The following LENG8 variants were observed in gnomAD, a reference collection of about 807,000 sequenced individuals.
LENG8 encodes leukocyte receptor cluster (LRC) member 8.
A neutral mutation model predicts 102.1 loss-of-function variants in LENG8; 28 were observed. The observed-to-expected ratio is 0.27, with a 90% CI of 0.20 to 0.38. The LOEUF is 0.38. Among genes scored for constraint, LENG8 ranks in the 10% least tolerant of loss-of-function variants. The probability of loss-of-function intolerance (pLI) is 1.00; values close to 1 mark genes in which losing one functional copy is unlikely to be tolerated. For missense variants in LENG8, 1,022 were observed against 1,113.9 expected, an observed-to-expected ratio of 0.92 and a Z score of 1.17; for synonymous variants, 531 against 456.7, an observed-to-expected ratio of 1.16 and a Z score of -2.07.
chr19:54,458,242 A>C lies in LENG8; in HGVS notation c.2032+10A>C. The C allele has an allele frequency of 1.2e-6, 2 of 1,614,166 alleles. No individual in the cohort carries two copies. The highest frequency in any genetic ancestry group is 2.2e-5 in the South Asian group (2 of 91,078). On this transcript the variant is annotated intron_variant, in intron 14 of 15. Coordinates refer to ENST00000326764, the MANE Select transcript of LENG8 (RefSeq NM_052925.4). ...ACCAAGAACTCGGGAGGTGAGGCCCAGTCCCCAGGACAGAGGCCATGGTAC... is the reference window on the plus strand; with the variant it reads ...ACCAAGAACTCGGGAGGTGAGGCCCCGTCCCCAGGACAGAGGCCATGGTAC...
rs748969362 is a variant in LENG8 at position 54,454,730 on chromosome 19, A to G, written c.679+48A>G. On this transcript the variant is annotated intron_variant, in intron 6 of 15. Transcript: ENST00000326764. ...AGGTCCGAGCGGTTGGGCCCTCATA[A>G]GAGCTCCTGGGTGTGAGGCCCGTGG... 10 of 1,530,238 alleles carry G rather than the reference A, an allele frequency of 6.5e-6. No homozygotes were observed. In the South Asian group the frequency reaches 1.1e-4, roughly 17 times the overall value. 94.8% of individuals were successfully genotyped at this position (1,530,238 alleles called of 1,614,324 possible). A position where few individuals can be genotyped will look rare whatever the true frequency, so the allele number is the denominator to read the frequency against.
rs780434785 is a variant in LENG8 at position 54,455,974 on chromosome 19, C to G, written c.1033C>G (p.Arg345Gly). 1.9e-6 allele frequency: 3 copies of G among 1,611,854 alleles called. No individual in the cohort carries two copies. Among genetic ancestry groups the G allele is most frequent in the Non-Finnish European group, 2.5e-6 (3 of 1,179,476 alleles). Residue 345 changes from arginine (R) to glycine (G), a missense_variant, in exon 9 of 16, where the codon CGG becomes GGG. By Grantham distance (125) the Arg-to-Gly change is moderately radical. Around this residue, in one of 7 missense-constraint regions of LENG8, gnomAD observed 326 missense variants for 324.5 expected, o/e 1.00. Coordinates refer to ENST00000326764, the MANE Select transcript of LENG8 (RefSeq NM_052925.4). ...GCCCTGCTGTATTCTCAGGCTGACC[C>G]GGGAGCCTGTGGCTGAGAGCCCTAA... ...WSREPLPGLT[R>G]EPVAESPKKK...
chr19:54,461,104 A>C lies in LENG8; in HGVS notation c.*176A>C. The stretch of plus-strand genomic sequence containing the variant: ...GGGGAGTCTGTACAGAGATTTTTCT[A>C]CGTTTTTATTTTTTGCCTCAGAGGG... On this transcript the variant is annotated 3_prime_UTR_variant, in exon 16 of 16. Coordinates refer to ENST00000326764, the MANE Select transcript of LENG8 (RefSeq NM_052925.4). 9.9e-7 allele frequency: 1 copy of C among 1,007,170 alleles called. No homozygotes were observed. Among genetic ancestry groups the C allele is most frequent in the South Asian group, 1.4e-5 (1 of 70,806 alleles). The allele number at this position is 1,007,170 out of a possible 1,614,324, so 62.4% of individuals were successfully genotyped here.
Position 54,451,196 on chromosome 19 carries a change from C to T in LENG8, c.-55-94C>T, listed in dbSNP as rs540227614. On this transcript the variant is annotated intron_variant, in intron 1 of 15. Transcript: ENST00000326764. ...TTCAGTCAGCCTCCCCTTTTCTGCCCGGCTTCTCTTGAGTCCATCTACTTT... is the reference window on the plus strand; with the variant it reads ...TTCAGTCAGCCTCCCCTTTTCTGCCTGGCTTCTCTTGAGTCCATCTACTTT... 9.3e-4 allele frequency: 744 copies of T among 801,654 alleles called. 5 individuals carry two copies. The highest frequency in any genetic ancestry group is 9.2e-3 in the African/African-American group (545 of 59,002). The allele number at this position is 801,654 out of a possible 1,614,324, so 49.7% of individuals were successfully genotyped here.
rs2083829649 is a variant in LENG8 at position 54,449,447 on chromosome 19, G to A, written c.-56+137G>A. The A allele has an allele frequency of 2.6e-5, 4 of 152,148 alleles. No homozygotes were observed. In the South Asian group the frequency reaches 8.3e-4, roughly 31 times the overall value. The allele number at this position is 152,148 out of a possible 1,614,324, so 9.4% of individuals were successfully genotyped here. ...AGCGTCGACAGGGTGTGGCGGCGCA[G>A]GGGCAGCCACTGCGCCTGCGCACCG... On this transcript the variant is annotated intron_variant, in intron 1 of 15. Coordinates refer to ENST00000326764, the MANE Select transcript of LENG8 (RefSeq NM_052925.4).
chr19:54,458,000 A>G lies in LENG8; in HGVS notation c.1900A>G (p.Lys634Glu). 6.2e-7 allele frequency: 1 copy of G among 1,613,458 alleles called. No individual in the cohort carries two copies. The highest frequency in any genetic ancestry group is 2.2e-5 in the East Asian group (1 of 44,862). The change falls in exon 13 of 16, where the codon AAG (lysine) becomes GAG (glutamate). Residue 634 changes from lysine (K) to glutamate (E), a missense_variant and splice_region_variant. Coordinates refer to ENST00000326764, the MANE Select transcript of LENG8 (RefSeq NM_052925.4). ...GACCCATGCCCGGATCGCCTTGGAGAAGGTGAGCTGGCCTCTGCGGGCCTC... is the reference window on the plus strand; with the variant it reads ...GACCCATGCCCGGATCGCCTTGGAGGAGGTGAGCTGGCCTCTGCGGGCCTC... ...YETHARIALE[K>E]GDHEEFNQCQ...
intron 7 of LENG8, 90 bp from the exon 8 acceptor site, chr19:54,455,274 G>C (rs774123879): frequency 6.6e-7 from 1 of 1,524,170 alleles, no homozygotes; most frequent in Non-Finnish European, 9.1e-7. Flanking sequence ...TGGGGACTGC[G>C]TCCCGCTGTG....
At chr19:54,459,698 A>G in intron 15 of LENG8, 1 of 1,022,442 alleles carries the variant, frequency 9.8e-7, no homozygotes, top group Admixed American at 5.2e-5. Flanking sequence ...GTCAGCCTGG[A>G]GGTTTGGAGA....
chr19:54,455,026 C>T lies in LENG8; in HGVS notation c.755C>T (p.Ser252Phe). The T allele has an allele frequency of 6.2e-7, 1 of 1,614,208 alleles. No homozygotes were observed. ...PFAVTTQSFG[S>F]NAEGQHSGFG... ...GCTGTTACCACCCAGAGCTTTGGCT[C>T]CAACGCAGAGGGCCAGCACAGTGGT... The change falls in exon 7 of 16, where the codon TCC becomes TTC. Residue 252 changes from serine to phenylalanine, a missense_variant. Around this residue, in one of 7 missense-constraint regions of LENG8, gnomAD observed 343 missense variants for 320.2 expected, o/e 1.07. Transcript: ENST00000326764.
intron 15 of LENG8, chr19:54,459,128 G>T (rs2084404000): frequency 2.3e-6 from 3 of 1,332,644 alleles, no homozygotes; most frequent in East Asian, 2.8e-5. Context: ...ATGTTTAGAC[G>T]CATGGTTCTG....
Position 54,456,444 on chromosome 19 carries a change from G to A in LENG8, c.1424G>A (p.Gly475Asp). Reference sequence around the variant, plus strand: ...GGGGCCCATATGGATCGGGGCCGAGGCAGGGCGCAGCGTGGGAAGAGGTGA... The same window carrying A: ...GGGGCCCATATGGATCGGGGCCGAGACAGGGCGCAGCGTGGGAAGAGGTGA... ...GRGAHMDRGRGRAQRGKRHDL... is the reference protein window; with the variant it reads ...GRGAHMDRGRDRAQRGKRHDL... The change falls in exon 10 of 16, where the codon GGC (glycine) becomes GAC (aspartate). Residue 475 changes from glycine to aspartate, a missense_variant. Physicochemically the swap from Gly to Asp is moderately conservative, Grantham distance 94 (BLOSUM62 -1). This residue lies in a region of LENG8 where 326 missense variants were observed against 324.5 expected (regional missense o/e 1.00). Coordinates refer to ENST00000326764, the MANE Select transcript of LENG8 (RefSeq NM_052925.4). 1 of 1,606,986 alleles carries A rather than the reference G, an allele frequency of 6.2e-7. No homozygotes were observed. Among genetic ancestry groups the A allele is most frequent in the Non-Finnish European group, 8.5e-7 (1 of 1,179,370 alleles).
rs145514371 is a variant in LENG8, at chr19:54,452,237, C to T, written c.183C>T (p.Ser61=). 1 of 1,613,488 alleles carries T rather than the reference C, an allele frequency of 6.2e-7. No individual in the cohort carries two copies. The highest frequency in any genetic ancestry group is 8.5e-7 in the Non-Finnish European group (1 of 1,179,720). ...KSGAAGGSAK[S]SSNGPVASAQ... The stretch of plus-strand genomic sequence containing the variant: ...GAGCTGCCGGCGGCTCTGCCAAGTC[C>T]AGCAGCAATGGGCCTGTGGCCAGTG... The change falls in exon 3 of 16, where the codon TCC becomes TCT. Residue 61 remains serine, a synonymous_variant. Coordinates refer to ENST00000326764, the MANE Select transcript of LENG8 (RefSeq NM_052925.4).
At chr19:54,456,991 G>A (rs2084284290) in intron 11 of LENG8, 70 bp downstream of exon 11, 2 of 1,482,336 alleles carry the variant, frequency 1.3e-6, no homozygotes, top group Middle Eastern at 2.5e-4. Flanking sequence ...GCCAACCCAG[G>A]GAGGGTGGCA....
Position 54,452,721 on chromosome 19 carries a change from A to G in LENG8, c.284A>G (p.Tyr95Cys), listed in dbSNP as rs2084017377. The change falls in exon 4 of 16, where the codon TAT (tyrosine) becomes TGT (cysteine). Residue 95 changes from tyrosine to cysteine, a missense_variant. Physicochemically the swap from Tyr to Cys is radical, Grantham distance 194 (BLOSUM62 -2). Transcript: ENST00000326764. ...QYYQWYQQYN[Y>C]AYPYSYYYPM... Reference sequence around the variant, plus strand: ...TACCAGTGGTACCAGCAGTACAACTATGCCTACCCCTACAGCTACTACTAT... The same window carrying G: ...TACCAGTGGTACCAGCAGTACAACTGTGCCTACCCCTACAGCTACTACTAT... The G allele has an allele frequency of 2.5e-6, 4 of 1,613,890 alleles. No homozygotes were observed. The highest frequency in any genetic ancestry group is 2.7e-5 in the African/African-American group (2 of 75,036).
intron 3 of LENG8, 152 bp downstream of exon 3, chr19:54,452,419 T>A (rs1187221718): frequency 1.7e-5 from 14 of 830,932 alleles, no homozygotes; most frequent in Non-Finnish European, 2.6e-5. Context: ...GAAAAAGTTC[T>A]GTTTCCTTGA....
In LENG8 at chr19:54,461,337, GC is replaced by G. The variant is rs1569312062; in HGVS notation, c.*411del. ...AAGACAGGCCGTCCAGCCCGTGCCCGCCTGCGGCGGGGGCACCCAGCAAGCC... is the reference window on the plus strand; with the variant it reads ...AAGACAGGCCGTCCAGCCCGTGCCCGCTGCGGCGGGGGCACCCAGCAAGCC... On this transcript the variant is annotated 3_prime_UTR_variant, in exon 16 of 16. Transcript: ENST00000326764. The G allele has an allele frequency of 4.4e-6, 2 of 459,700 alleles. No homozygotes were observed. The highest frequency in any genetic ancestry group is 8.7e-6 in the Non-Finnish European group (2 of 230,420). 28.5% of individuals were successfully genotyped at this position (459,700 alleles called of 1,614,324 possible). A position where few individuals can be genotyped will look rare whatever the true frequency, so the allele number is the denominator to read the frequency against.
intron 2 of LENG8, 43 bp from the exon 3 acceptor site, chr19:54,452,050 A>AGTGGGGAACAG (rs2083985935): frequency 6.4e-7 from 1 of 1,570,860 alleles, no homozygotes; most frequent in Non-Finnish European, 8.7e-7. Flanking sequence ...ACCTGTGTAC[A>AGTGGGGAACAG]GTGGGGAGAA....
In LENG8 at chr19:54,456,633, T is replaced by A. The variant is rs752912715; in HGVS notation, c.1446-3T>A. On this transcript the variant is annotated splice_polypyrimidine_tract_variant and splice_region_variant and intron_variant, in intron 10 of 15. Coordinates refer to ENST00000326764, the MANE Select transcript of LENG8 (RefSeq NM_052925.4). ...GCGCTCACTGCCCCTCATCCCTTCC[T>A]AGGCACGATCTGGCGCCCACCAAGC... The A allele has an allele frequency of 1.0e-5, 16 of 1,607,228 alleles. No individual in the cohort carries two copies. The East Asian group carries it at 3.1e-4, about 31-fold the overall frequency.
At position 54,460,944 on chromosome 19, in the gene LENG8, G is replaced by C; in HGVS notation, c.*16G>C. The C allele has an allele frequency of 6.5e-7, 1 of 1,527,924 alleles. No individual in the cohort carries two copies. The highest frequency in any genetic ancestry group is 8.8e-7 in the Non-Finnish European group (1 of 1,139,838). The allele number at this position is 1,527,924 out of a possible 1,614,324, so 94.6% of individuals were successfully genotyped here. ...AGCCTTCTGAGCACCCAGCGAGGAGGGGCGGGGGCAGGGGCTGCAGCCCCC... is the reference window on the plus strand; with the variant it reads ...AGCCTTCTGAGCACCCAGCGAGGAGCGGCGGGGGCAGGGGCTGCAGCCCCC... On this transcript the variant is annotated 3_prime_UTR_variant, in exon 16 of 16. Transcript: ENST00000326764.
Sources: gnomAD v4.1 joint callset for allele counts on GRCh38, gnomAD v4.1.1 for gene constraint, gnomAD v4.1.1 regional missense constraint, MANE v1.5 for transcripts, NCBI Gene and HGNC (gene_info 2026-07-23, HGNC 2026-07-21) for gene names.